Variants in DMAC2L observed in about 807,000 individuals in gnomAD.
DMAC2L encodes ATP synthase subunit s, mitochondrial.
In DMAC2L, 21 loss-of-function variants were observed where a neutral mutation model predicts 22.5. The observed-to-expected ratio is 0.93, with a 90% CI of 0.66 to 1.34. The LOEUF (loss-of-function observed/expected upper bound fraction) is 1.34. Ranked by LOEUF, DMAC2L falls within the 40% of genes most tolerant of loss-of-function variation. The pLI, the probability that DMAC2L is intolerant of heterozygous loss-of-function variation, is 0.00. For synonymous variants in DMAC2L, 86 were observed against 89.5 expected, an observed-to-expected ratio of 0.96 and a Z score of 0.22; for missense variants, 239 against 246.5, an observed-to-expected ratio of 0.97 and a Z score of 0.20.
intron 5 of DMAC2L, 106 bp downstream of exon 5, chr14:50,324,222 T>C (rs1350045727): frequency 1.6e-6 from 2 of 1,254,034 alleles, no homozygotes; most frequent in East Asian, 5.0e-5. Flanking sequence ...CTAAAAAAGA[T>C]AATTTTAAAA....
At position 50,326,822 on chromosome 14, in the gene DMAC2L, C is replaced by A; in HGVS notation, c.*1099C>A. On this transcript the variant is annotated 3_prime_UTR_variant, in exon 6 of 6. Coordinates refer to ENST00000557421, the MANE Select transcript of DMAC2L (RefSeq NM_001382507.1). ...TTGGGAGGCTGAGGTGGGAGGATCACTTGAGACCAGGAGTTTGAGACCAAT... is the reference window on the plus strand; with the variant it reads ...TTGGGAGGCTGAGGTGGGAGGATCAATTGAGACCAGGAGTTTGAGACCAAT... 1 of 930,624 alleles carries A rather than the reference C, an allele frequency of 1.1e-6. No individual in the cohort carries two copies. The highest frequency in any genetic ancestry group is 1.3e-6 in the Non-Finnish European group (1 of 780,206). The allele number at this position is 930,624 out of a possible 1,614,324, so 57.6% of individuals were successfully genotyped here. A position where few individuals can be genotyped will look rare whatever the true frequency, so the allele number is the denominator to read the frequency against.
chr14:50,323,737 C>T (rs932274719), intron 4 of DMAC2L, among the ~76,000 whole-genome samples: 2 of 152,198 alleles, frequency 1.3e-5, no homozygotes, highest in Admixed American at 6.5e-5. Flanking sequence ...CATCTGACTG[C>T]GGAATGGTCC....
At chr14:50,315,775 T>C (rs911366528) in intron 2 of DMAC2L, among the ~76,000 whole-genome samples, 4 of 151,878 alleles carry the variant, frequency 2.6e-5, no homozygotes, top group African/African-American at 9.7e-5. Flanking sequence ...CCATCATATA[T>C]ATATACCACA....
Position 50,326,438 on chromosome 14 carries a change from A to G in DMAC2L, c.*715A>G, listed in dbSNP as rs2032706069. ...CATAAATGCACAATTATGAAAAATT[A>G]GAAGCTAAATTACAGATTCATTGAT... On this transcript the variant is annotated 3_prime_UTR_variant, in exon 6 of 6. Coordinates refer to ENST00000557421, the MANE Select transcript of DMAC2L (RefSeq NM_001382507.1). 2.0e-6 allele frequency: 2 copies of G among 983,692 alleles called. No homozygotes were observed. The highest frequency in any genetic ancestry group is 2.4e-6 in the Non-Finnish European group (2 of 828,366). 60.9% of individuals were successfully genotyped at this position (983,692 alleles called of 1,614,324 possible).
chr14:50,312,641 G>GCCCCCT, intron 1 of DMAC2L: 1 of 230,708 alleles, frequency 4.3e-6, no homozygotes, highest in Middle Eastern at 1.6e-3. Context: ...CCCCGCCCCC[G>GCCCCCT]CTCCAGCTCC....
chr14:50,325,712 C>T lies in DMAC2L; in HGVS notation c.592C>T (p.Gln198Ter). The change falls in exon 6 of 6, where the codon CAA becomes TAA. Residue 198 changes from glutamine to a stop codon, truncating the protein, a stop_gained. Transcript: ENST00000557421. LOFTEE classifies it high-confidence loss of function. Reference sequence around the variant, plus strand: ...ACTGCCTTCTCTGGAACTAAAATTACAATTGAAGTAAAATAATGTGTCTTA... The same window carrying T: ...ACTGCCTTCTCTGGAACTAAAATTATAATTGAAGTAAAATAATGTGTCTTA... The part of the protein sequence containing the change: ...TALPSLELKL[Q>*]LK The T allele has an allele frequency of 6.2e-7, 1 of 1,609,406 alleles. No individual in the cohort carries two copies. Among genetic ancestry groups the T allele is most frequent in the Non-Finnish European group, 8.5e-7 (1 of 1,178,168 alleles).
chr14:50,312,420 C>T (rs1595171241), intron 1 of DMAC2L, 31 bp downstream of exon 1: 3 of 540,672 alleles, frequency 5.5e-6, no homozygotes, highest in South Asian at 2.0e-5. Flanking sequence ...CCGAGCCGGG[C>T]GGGACTAGGG....
At chr14:50,317,687 T>C (rs2139285756) in intron 2 of DMAC2L, among the ~76,000 whole-genome samples, 1 of 152,094 alleles carries the variant, frequency 6.6e-6, no homozygotes, top group African/African-American at 2.4e-5. Context: ...GGACAATCGC[T>C]TGAACCCAGG....
chr14:50,314,648 A>T (rs953711046), intron 2 of DMAC2L, 22 bp downstream of exon 2: 3 of 453,926 alleles, frequency 6.6e-6, no homozygotes, highest in Admixed American at 4.7e-5. Flanking sequence ...TTTATTTTTT[A>T]TTTTTATTTT....
chr14:50,323,955 G>A lies in DMAC2L; in HGVS notation c.327G>A (p.Glu109=), dbSNP rs920047440. 1.9e-6 allele frequency: 3 copies of A among 1,610,684 alleles called. No individual in the cohort carries two copies. Among genetic ancestry groups the A allele is most frequent in the Non-Finnish European group, 1.7e-6 (2 of 1,178,696 alleles). ...SIGFDHMEGL[E]HVEKIRLCKC... ...ACTTTTTCTCCCCAGAGGGCCTAGAGCATGTTGAAAAAATAAGGCTGTGCA... is the reference window on the plus strand; with the variant it reads ...ACTTTTTCTCCCCAGAGGGCCTAGAACATGTTGAAAAAATAAGGCTGTGCA... The change falls in exon 5 of 6, where the codon GAG becomes GAA. Residue 109 remains glutamate (E), a synonymous_variant. Coordinates refer to ENST00000557421, the MANE Select transcript of DMAC2L (RefSeq NM_001382507.1).
chr14:50,312,974 TAA>T (rs748526988), intron 1 of DMAC2L: 28 of 1,613,760 alleles, frequency 1.7e-5, no homozygotes, highest in South Asian at 5.5e-5. Context: ...CCACCATTTA[TAA>T]GTCTGTGTCC....
chr14:50,312,522 T>A, intron 1 of DMAC2L, 133 bp downstream of exon 1: 1 of 354,786 alleles, frequency 2.8e-6, no homozygotes, highest in Non-Finnish European at 5.2e-6. Context: ...TTCACCGCCA[T>A]GCGGACATGG....
chr14:50,311,999 G>T, upstream of DMAC2L: 1 of 1,556,128 alleles, frequency 6.4e-7, no homozygotes. Context: ...GGGAGGACCA[G>T]CGGCCACTCA....
At chr14:50,312,909 G>A in intron 1 of DMAC2L, 1 of 1,144,598 alleles carries the variant, frequency 8.7e-7, no homozygotes, top group Non-Finnish European at 1.3e-6. Flanking sequence ...TGGAGCGCCT[G>A]CTCTGTACTC....
chr14:50,323,283 G>T lies in DMAC2L; in HGVS notation c.316+564G>T, dbSNP rs927357313. On this transcript the variant is annotated intron_variant, in intron 4 of 5. Transcript: ENST00000557421. ...TTTTTGTATTTTTAGTAGAGATGGG[G>T]TTTCACCGTGTTAGCCAGGATGGTC... Among the ~76,000 whole-genome samples the T allele has an allele frequency of 2.0e-5, 3 of 151,324 alleles. No individual in the cohort carries two copies. The East Asian group carries it at 5.8e-4, about 29-fold the overall frequency.
chr14:50,321,444 G>A (rs199687904), intron 2 of DMAC2L, 39 bp from the exon 3 acceptor site: 44 of 1,610,586 alleles, frequency 2.7e-5, no homozygotes, highest in African/African-American at 4.0e-5. Flanking sequence ...TATGGGACTC[G>A]GATGATGATC....
upstream of DMAC2L, chr14:50,312,321 G>T (rs1217863093): frequency 2.9e-5 from 27 of 946,616 alleles, no homozygotes; most frequent in Admixed American, 1.5e-4. Context: ...GTCGGAGGGC[G>T]AAGGGCCGGC....
Position 50,325,687 on chromosome 14 carries a change from A to C in DMAC2L, c.567A>C (p.Ala189=), listed in dbSNP as rs1261654896. 6.2e-7 allele frequency: 1 copy of C among 1,612,848 alleles called. No individual in the cohort carries two copies. The highest frequency in any genetic ancestry group is 8.5e-7 in the Non-Finnish European group (1 of 1,179,508). Residue 189 remains alanine, a synonymous_variant, in exon 6 of 6, where the codon GCA becomes GCC. Transcript: ENST00000557421. ...ATCTTGTCCAAGCCTTTAAGACAGC[A>C]CTGCCTTCTCTGGAACTAAAATTAC... ...KENLVQAFKT[A]LPSLELKLQL...
intron 2 of DMAC2L, chr14:50,319,325 A>G (rs1259249649): frequency 4.6e-6 from 7 of 1,536,098 alleles, no homozygotes; most frequent in Non-Finnish European, 4.4e-6. Context: ...TCTTCAGTTC[A>G]CATCTCTCAC....
Sources: gnomAD v4.1 joint callset for allele counts (sites outside exome capture counted in the v4.1 genomes callset) on GRCh38, gnomAD v4.1.1 for gene constraint, MANE v1.5 for transcripts, NCBI Gene and HGNC (gene_info 2026-07-23, HGNC 2026-07-21) for gene names.